The following TRIOBP variants were observed in gnomAD, a reference collection of about 807,000 sequenced individuals.
TRIOBP encodes the protein TRIO and F-actin-binding protein.
A neutral mutation model predicts 238.8 loss-of-function variants in TRIOBP; 169 were observed. The observed-to-expected ratio is 0.71, with a 90% CI of 0.62 to 0.80. The LOEUF (loss-of-function observed/expected upper bound fraction) is 0.80. TRIOBP is among the 30% of genes least tolerant of loss of function. The pLI is 0.00. For synonymous variants in TRIOBP, 1,150 were observed against 1,274.4 expected (o/e 0.90, Z 2.08); for missense variants, 2,838 against 3,122.6 (o/e 0.91, Z 2.17).
intron 7 of TRIOBP, among the ~76,000 whole-genome samples, chr22:37,728,175 C>G (rs1241059331): frequency 2.6e-5 from 4 of 151,538 alleles, no homozygotes; most frequent in Non-Finnish European, 2.9e-5. Context: ...CAGTGGCTCC[C>G]TCCTGTAATC....
chr22:37,755,499 G>A (rs1259987857), intron 14 of TRIOBP, 51 bp from the exon 15 acceptor site: 1 of 1,513,264 alleles, frequency 6.6e-7, no homozygotes, highest in Admixed American at 1.7e-5. Flanking sequence ...TAGTGGGGAG[G>A]GAGTCATGCG....
chr22:37,711,923 G>C (rs1923269764), intron 4 of TRIOBP, among the ~76,000 whole-genome samples: 1 of 152,138 alleles, frequency 6.6e-6, no homozygotes, highest in African/African-American at 2.4e-5. Context: ...CTTCTCTGCA[G>C]CTCCCTCCCT....
Position 37,734,368 on chromosome 22 carries a change from A to C in TRIOBP, c.4063-31A>C, listed in dbSNP as rs73883905. 8.1e-3 allele frequency: 12,952 copies of C among 1,599,766 alleles called. 941 individuals are homozygous for C. In the African/African-American group the frequency reaches 0.16, roughly 19 times the overall value. ...CTGGCAGCCAGGTCCCCAGAGAGAG[A>C]GCCTCACCTACCCCCTCACCTCATC... On this transcript the variant is annotated intron_variant, in intron 8 of 23. Coordinates refer to ENST00000644935, the MANE Select transcript of TRIOBP (RefSeq NM_001039141.3).
intron 5 of TRIOBP, among the ~76,000 whole-genome samples, chr22:37,713,737 C>T (rs896015885): frequency 2.0e-5 from 3 of 152,186 alleles, no homozygotes; most frequent in Admixed American, 6.5e-5. Flanking sequence ...TGGTGTCTAG[C>T]GCAAGAGTGG....
chr22:37,713,018 A>AT (rs1212238310), intron 4 of TRIOBP, among the ~76,000 whole-genome samples, 192 bp from the exon 5 acceptor site: 1 of 151,586 alleles, frequency 6.6e-6, no homozygotes, highest in African/African-American at 2.4e-5. Context: ...CAAAAAAAAA[A>AT]GGGATGCTGT....
At chr22:37,739,577 G>C (rs1924839550) in intron 10 of TRIOBP, among the ~76,000 whole-genome samples, 1 of 152,188 alleles carries the variant, frequency 6.6e-6, no homozygotes, top group Non-Finnish European at 1.5e-5. Flanking sequence ...CTAGAACCCA[G>C]GGCCCAGGAA....
intron 7 of TRIOBP, among the ~76,000 whole-genome samples, chr22:37,727,909 ATTAG>A (rs1158150575): frequency 6.6e-6 from 1 of 152,184 alleles, no homozygotes; most frequent in Non-Finnish European, 1.5e-5. Flanking sequence ...CTAGAATTCC[ATTAG>A]TTAGGGTCAA....
In TRIOBP at chr22:37,775,892, G is replaced by A. The variant is rs1417250212; in HGVS notation, c.*2112G>A. ...AAAATGGCAAAGAAGAAAGAGCCAG[G>A]ACCCCGTGCCATCAAATCCTCCGGC... On this transcript the variant is annotated 3_prime_UTR_variant, in exon 24 of 24. Coordinates refer to ENST00000644935, the MANE Select transcript of TRIOBP (RefSeq NM_001039141.3). The A allele has an allele frequency of 6.6e-6, 1 of 152,222 alleles. No individual in the cohort carries two copies. Among genetic ancestry groups the A allele is most frequent in the African/African-American group, 2.4e-5 (1 of 41,418 alleles). The allele number at this position is 152,222 out of a possible 1,614,324, so 9.4% of individuals were successfully genotyped here.
chr22:37,759,336 A>C, intron 17 of TRIOBP, 72 bp downstream of exon 17: 1 of 1,480,798 alleles, frequency 6.8e-7, no homozygotes, highest in Non-Finnish European at 9.4e-7. Context: ...GAAACAGCTG[A>C]GATTTTGGGA....
intron 6 of TRIOBP, 98 bp downstream of exon 6, chr22:37,716,032 T>C (rs567200980): frequency 7.4e-7 from 1 of 1,359,984 alleles, no homozygotes; most frequent in South Asian, 1.2e-5. Context: ...CGGCTTACTT[T>C]GGTGGCCTGA....
chr22:37,750,606 G>C (rs758736684), intron 11 of TRIOBP: 1 of 470,336 alleles, frequency 2.1e-6, no homozygotes, highest in Non-Finnish European at 4.4e-6. Context: ...AGGGGTTCTC[G>C]GCCGTGAGCA....
chr22:37,750,408 T>G (rs1217266543), intron 11 of TRIOBP, among the ~76,000 whole-genome samples: 1 of 152,204 alleles, frequency 6.6e-6, no homozygotes, highest in Non-Finnish European at 1.5e-5. Context: ...AGCAAGTTTT[T>G]CCTGAGCCTT....
Position 37,703,245 on chromosome 22 carries a change from C to T in TRIOBP, c.114+1766C>T, listed in dbSNP as rs530446639. ...TCCTGACCTTGTGATCTGTCTGCCTCGGCTTCCCAAAGTGCTGGGATTACA... is the reference window on the plus strand; with the variant it reads ...TCCTGACCTTGTGATCTGTCTGCCTTGGCTTCCCAAAGTGCTGGGATTACA... On this transcript the variant is annotated intron_variant, in intron 3 of 23. Transcript: ENST00000644935. Among the ~76,000 whole-genome samples, 350 of 152,088 alleles carry T rather than the reference C, an allele frequency of 2.3e-3. 1 individual carries two copies. Among genetic ancestry groups the T allele is most frequent in the African/African-American group, 7.6e-3 (317 of 41,508 alleles).
rs551879898 is a variant in TRIOBP at position 37,747,797 on chromosome 22, G to A, written c.5323-3975G>A. Among the ~76,000 whole-genome samples the A allele has an allele frequency of 9.8e-4, 150 of 152,374 alleles. 1 individual carries two copies. The highest frequency in any genetic ancestry group is 3.4e-3 in the African/African-American group (143 of 41,590). Reference sequence around the variant, plus strand: ...TGAGGAAACCAAGGTGTGGCGAGGTGAAGTGTCATGCCCCAGGTAACTCAG... The same window carrying A: ...TGAGGAAACCAAGGTGTGGCGAGGTAAAGTGTCATGCCCCAGGTAACTCAG... On this transcript the variant is annotated intron_variant, in intron 11 of 23. Coordinates refer to ENST00000644935, the MANE Select transcript of TRIOBP (RefSeq NM_001039141.3).
At chr22:37,750,725 G>T (rs1371601887) in intron 11 of TRIOBP, 1 of 471,120 alleles carries the variant, frequency 2.1e-6, no homozygotes, top group Non-Finnish European at 4.4e-6. Context: ...GCTGTCCCAA[G>T]CCCCGGTTGG....
At chr22:37,707,951 A>AAAAAG (rs1923030542) in intron 3 of TRIOBP, among the ~76,000 whole-genome samples, 1 of 126,994 alleles carries the variant, frequency 7.9e-6, no homozygotes, top group African/African-American at 3.0e-5. Context: ...CAAAAAAAAG[A>AAAAAG]AAAAAAAAAA....
chr22:37,754,808 A>G, intron 12 of TRIOBP, 69 bp from the exon 13 acceptor site: 2 of 1,495,108 alleles, frequency 1.3e-6, no homozygotes, highest in Non-Finnish European at 1.9e-6. Flanking sequence ...CAGCATAGTG[A>G]GTTTGGCAGC....
In TRIOBP at chr22:37,725,546, C is replaced by G; in HGVS notation, c.2990C>G (p.Pro997Arg). ...STSRTSSPVY[P>R]AAYGAPLTSP... is the part of the protein sequence containing the mutation. Reference sequence around the variant, plus strand: ...TCCCGAACTTCCTCACCTGTGTACCCCGCTGCCTATGGGGCTCCCCTGACC... The same window carrying G: ...TCCCGAACTTCCTCACCTGTGTACCGCGCTGCCTATGGGGCTCCCCTGACC... Residue 997 changes from proline to arginine, a missense_variant, in exon 7 of 24, where the codon CCC becomes CGC. This residue lies in a region of TRIOBP where 2,096 missense variants were observed against 2,137.4 expected (regional missense o/e 0.98). Coordinates refer to ENST00000644935, the MANE Select transcript of TRIOBP (RefSeq NM_001039141.3). The G allele has an allele frequency of 6.2e-7, 1 of 1,613,782 alleles. No homozygotes were observed. Among genetic ancestry groups the G allele is most frequent in the East Asian group, 2.2e-5 (1 of 44,864 alleles).
chr22:37,738,360 T>C lies in TRIOBP; in HGVS notation c.5107-282T>C, dbSNP rs139952331. Among the ~76,000 whole-genome samples the C allele has an allele frequency of 1.7e-4, 25 of 145,684 alleles. 1 individual carries two copies. In the East Asian group the frequency reaches 5.1e-3, roughly 30 times the overall value. ...GATGTTGGAGATATGGGTAGATGGA[T>C]GATGGATGGAGAGAGGGATATGTAG... On this transcript the variant is annotated intron_variant, in intron 9 of 23. Transcript: ENST00000644935.
Sources: allele counts gnomAD v4.1 joint callset (sites outside exome capture counted in the v4.1 genomes callset), GRCh38; gene constraint gnomAD v4.1.1; regional missense constraint gnomAD v4.1.1; transcripts MANE v1.5; gene names NCBI Gene and HGNC (gene_info 2026-07-23, HGNC 2026-07-21).